The following NFASC variants were observed in gnomAD, a reference collection of about 807,000 sequenced individuals.
NFASC encodes neurofascin.
Under a neutral mutation model 147.5 loss-of-function variants are expected in NFASC, and 43 were observed. That is an observed-to-expected ratio of 0.29 (90% CI 0.23 to 0.38). The LOEUF (loss-of-function observed/expected upper bound fraction) is 0.38, where lower values mean the gene tolerates loss of function less well. NFASC is among the 10% of genes least tolerant of loss of function. The pLI, the probability that NFASC is intolerant of heterozygous loss-of-function variation, is 1.00. For synonymous variants in NFASC, 622 were observed against 665.5 expected (o/e 0.93, Z 1.01); for missense variants, 1,320 against 1,689.0 (o/e 0.78, Z 3.83).
chr1:204,941,949 TA>T (rs1394407821), intron 2 of NFASC, among the ~76,000 whole-genome samples: 3 of 152,178 alleles, frequency 2.0e-5, no homozygotes, highest in African/African-American at 7.2e-5. Context: ...CGTGAGGTTT[TA>T]AAAAGCACAT....
intron 24 of NFASC, 128 bp from the exon 25 acceptor site, chr1:204,997,042 T>C (rs16854920): frequency 0.33 from 479,351 of 1,435,066 alleles, 82,447 homozygotes; most frequent in South Asian, 0.37. Context: ...TCCGTTATGC[T>C]TGGGGAGGCT....
intron 1 of NFASC, among the ~76,000 whole-genome samples, chr1:204,857,458 G>A (rs910327432): frequency 1.4e-4 from 20 of 145,726 alleles, no homozygotes; most frequent in African/African-American, 5.3e-4. Flanking sequence ...TTTCCTGCAC[G>A]GCGTGCCCCT....
Position 205,017,004 on chromosome 1 carries a change from A to C in NFASC, c.*465A>C, listed in dbSNP as rs2096367885. ...AGAAAGAATAAGTGGATTCTCCCCC[A>C]GGAGAATCCTTTTTGCAAAGATAGG... On this transcript the variant is annotated 3_prime_UTR_variant, in exon 30 of 30. Coordinates refer to ENST00000339876, the MANE Select transcript of NFASC (RefSeq NM_001005388.3). 3.6e-6 allele frequency: 1 copy of C among 279,316 alleles called. No homozygotes were observed. 17.3% of individuals were successfully genotyped at this position (279,316 alleles called of 1,614,324 possible).
chr1:204,990,431 C>T (rs2095701122), intron 23 of NFASC: 1 of 152,012 alleles, frequency 6.6e-6, no homozygotes, highest in Non-Finnish European at 1.5e-5. Context: ...ATAACAAAGC[C>T]CTATTGTCCA....
intron 27 of NFASC, among the ~76,000 whole-genome samples, chr1:205,005,453 T>C (rs2096084827): frequency 6.6e-6 from 1 of 152,078 alleles, no homozygotes; most frequent in South Asian, 2.1e-4. Flanking sequence ...GTAAGAGGCG[T>C]GGGGGCCGGA....
chr1:204,953,666 A>C (rs1368698993), intron 5 of NFASC, among the ~76,000 whole-genome samples: 1 of 152,190 alleles, frequency 6.6e-6, no homozygotes, highest in African/African-American at 2.4e-5. Context: ...GCAGGGCACA[A>C]GTAACCTAAG....
At chr1:204,887,586 CTTTTTTTTTTT>C (rs200468415) in intron 1 of NFASC, among the ~76,000 whole-genome samples, 116 of 42,372 alleles carry the variant, frequency 2.7e-3, no homozygotes, top group African/African-American at 7.6e-3. Flanking sequence ...GCCTGATTGG[CTTTTTTTTTTT>C]TTTTTTTTTT....
chr1:204,951,727 C>T (rs1306539943), intron 4 of NFASC, among the ~76,000 whole-genome samples: 2 of 151,340 alleles, frequency 1.3e-5, no homozygotes, highest in Admixed American at 1.3e-4. Flanking sequence ...CTTCTGCCTC[C>T]CAAAGTGCTA....
At chr1:204,832,127 G>C (rs538238658) in intron 1 of NFASC, among the ~76,000 whole-genome samples, 2 of 152,170 alleles carry the variant, frequency 1.3e-5, no homozygotes, top group African/African-American at 2.4e-5. Flanking sequence ...AGGGCTAGAG[G>C]GGTAATGTTC....
chr1:204,922,989 C>T (rs748419660), intron 2 of NFASC, among the ~76,000 whole-genome samples: 1 of 152,202 alleles, frequency 6.6e-6, no homozygotes, highest in Non-Finnish European at 1.5e-5. Context: ...CATTATTACC[C>T]GTGTTTTACT....
intron 15 of NFASC, among the ~76,000 whole-genome samples, 157 bp from the exon 16 acceptor site, chr1:204,976,514 C>CCTCA (rs1272178153): frequency 2.0e-5 from 3 of 152,162 alleles, no homozygotes; most frequent in Non-Finnish European, 4.4e-5. Context: ...ACTGTGAAGA[C>CCTCA]CTCACCTCTG....
intron 4 of NFASC, among the ~76,000 whole-genome samples, chr1:204,951,237 C>T (rs1205879815): frequency 1.3e-5 from 2 of 150,816 alleles, no homozygotes; most frequent in Non-Finnish European, 2.9e-5. Context: ...CAGCCTCAGC[C>T]TCCTGGATTC....
rs1273946278 is a variant in NFASC at position 204,981,931 on chromosome 1, A to C, written c.2381A>C (p.Tyr794Ser). ...SRYVVGQTPV[Y>S]VPYEIRVQAE... ...TACGTGGTGGGGCAGACCCCAGTCT[A>C]CGTGCCCTATGAGATCCGAGTCCAG... Residue 794 changes from tyrosine (Y) to serine (S), a missense_variant, in exon 21 of 30, where the codon TAC becomes TCC. Tyr to Ser is a moderately radical substitution (Grantham distance 144). Transcript: ENST00000339876. The C allele has an allele frequency of 6.2e-7, 1 of 1,609,282 alleles. No homozygotes were observed. The highest frequency in any genetic ancestry group is 2.2e-5 in the East Asian group (1 of 44,466).
intron 27 of NFASC, among the ~76,000 whole-genome samples, chr1:205,005,091 G>A (rs981024638): frequency 1.3e-5 from 2 of 152,230 alleles, no homozygotes; most frequent in African/African-American, 2.4e-5. Context: ...GGCCTCAGGG[G>A]CCCTGAATGC....
chr1:204,852,960 C>G (rs2075827414), intron 1 of NFASC, among the ~76,000 whole-genome samples: 1 of 152,186 alleles, frequency 6.6e-6, no homozygotes, highest in African/African-American at 2.4e-5. Context: ...GAATTCAAGA[C>G]ACACCTGGGG....
chr1:204,939,722 G>C (rs545585684), intron 2 of NFASC, among the ~76,000 whole-genome samples: 1 of 152,396 alleles, frequency 6.6e-6, no homozygotes, highest in East Asian at 1.9e-4. Context: ...ACTGTGCAAT[G>C]ACTAAGGTTG....
intron 1 of NFASC, among the ~76,000 whole-genome samples, chr1:204,864,403 T>C (rs2076953791): frequency 6.6e-6 from 1 of 152,224 alleles, no homozygotes; most frequent in Non-Finnish European, 1.5e-5. Context: ...CAGGGTCGTA[T>C]ATTAACTCTT....
intron 1 of NFASC, among the ~76,000 whole-genome samples, chr1:204,887,798 A>G (rs2081607597): frequency 1.3e-5 from 2 of 151,840 alleles, no homozygotes; most frequent in Non-Finnish European, 2.9e-5. Context: ...GGGTTTTGCC[A>G]TGTTGGCCAG....
Position 204,968,848 on chromosome 1 carries a change from A to T in NFASC, c.869A>T (p.Asp290Val). 1 of 1,613,954 alleles carries T rather than the reference A, an allele frequency of 6.2e-7. No homozygotes were observed. Among genetic ancestry groups the T allele is most frequent in the South Asian group, 1.1e-5 (1 of 91,050 alleles). ...WYKKGGDLPS[D>V]KAKFENFNKA... ...AAGAAAGGTGGGGACCTCCCATCTGATAAGGCCAAGTTTGAGAACTTTAAT... is the reference window on the plus strand; with the variant it reads ...AAGAAAGGTGGGGACCTCCCATCTGTTAAGGCCAAGTTTGAGAACTTTAAT... Residue 290 changes from aspartate (D) to valine (V), a missense_variant, in exon 10 of 30, where the codon GAT (aspartate) becomes GTT (valine). Around this residue, in one of 3 missense-constraint regions of NFASC, gnomAD observed 981 missense variants for 1,289.5 expected, o/e 0.76. Coordinates refer to ENST00000339876, the MANE Select transcript of NFASC (RefSeq NM_001005388.3). The surrounding 1 kb of genome is among the most constrained non-coding windows in gnomAD (Gnocchi z 5.4).
Sources: gnomAD v4.1 joint callset for allele counts (sites outside exome capture counted in the v4.1 genomes callset) on GRCh38, gnomAD v4.1.1 for gene constraint, gnomAD v4.1.1 regional missense constraint, Gnocchi (gnomAD v3.1) non-coding constraint, MANE v1.5 for transcripts, NCBI Gene and HGNC (gene_info 2026-07-23, HGNC 2026-07-21) for gene names.